The following PPP2R2B variants were observed in gnomAD, a reference collection of about 807,000 sequenced individuals.
PPP2R2B encodes the protein protein phosphatase 2 regulatory subunit Bbeta, also known as serine/threonine-protein phosphatase 2A 55 kDa regulatory subunit B beta isoform.
Under a neutral mutation model 46.0 loss-of-function variants are expected in PPP2R2B, and 5 were observed. The observed-to-expected ratio is 0.11, with a 90% CI of 0.06 to 0.23. The LOEUF is 0.23. Ranked by LOEUF, PPP2R2B falls within the 10% of genes least tolerant of loss-of-function variation. The pLI is 1.00. For missense variants in PPP2R2B, 367 were observed against 575.0 expected (o/e 0.64, Z 3.70); for synonymous variants, 215 against 206.7 (o/e 1.04, Z -0.34).
chr5:146,840,639 C>A (rs984011168), intron 2 of PPP2R2B, among the ~76,000 whole-genome samples: 6 of 152,322 alleles, frequency 3.9e-5, no homozygotes, highest in African/African-American at 1.2e-4. Context: ...AAAAATCAGA[C>A]TCAGATACTG....
rs200297388 is a variant in PPP2R2B at position 146,951,181 on chromosome 5, G to GT, written c.79+104483dup. Among the ~76,000 whole-genome samples, 416 of 150,120 alleles carry GT rather than the reference G, an allele frequency of 2.8e-3. 3 individuals are homozygous for GT. The highest frequency in any genetic ancestry group is 7.5e-3 in the African/African-American group (308 of 40,918). On this transcript the variant is annotated intron_variant, in intron 1 of 8. Coordinates refer to the PPP2R2B transcript ENST00000336640. ...GTACTCTGGAATCTCTTTTTTGTTT[G>GT]TTTTTTTTTAATATCAGCTTTATTG...
At chr5:147,014,911 A>G (rs1287556051) in intron 1 of PPP2R2B, among the ~76,000 whole-genome samples, 1 of 152,130 alleles carries the variant, frequency 6.6e-6, no homozygotes, top group Non-Finnish European at 1.5e-5. Flanking sequence ...AAAAATAAAA[A>G]AAAATGAATT....
chr5:147,070,016 C>G (rs1757539683), intron 2 of PPP2R2B, among the ~76,000 whole-genome samples: 1 of 152,004 alleles, frequency 6.6e-6, no homozygotes, highest in African/African-American at 2.4e-5. Context: ...GTCTCAAACT[C>G]CTGACCTCGT....
rs1325051888 is a variant in PPP2R2B, at chr5:147,042,905, C to A, written c.79+12760G>T. On this transcript the variant is annotated intron_variant, in intron 1 of 8. Coordinates refer to the PPP2R2B transcript ENST00000336640. ...ACGGAGGGAGCCACAAGTAGAAAGG[C>A]CCTGGAGAGGGGATGTACGTGGTCT... Among the ~76,000 whole-genome samples the A allele has an allele frequency of 2.0e-5, 3 of 151,926 alleles. No individual in the cohort carries two copies. The East Asian group carries it at 5.8e-4, about 30-fold the overall frequency.
Position 146,693,240 on chromosome 5 carries a change from A to C in PPP2R2B, c.335-2000T>G, listed in dbSNP as rs571046029. ...TTCTTCTTTTTTTAAATTGAGATAG[A>C]GTCTCACTCTGTCACCTAGGCTGGA... On this transcript the variant is annotated intron_variant, in intron 4 of 9. Transcript: ENST00000394411. Among the ~76,000 whole-genome samples the C allele has an allele frequency of 1.5e-4, 22 of 149,734 alleles. No homozygotes were observed. The South Asian group carries it at 4.6e-3, about 32-fold the overall frequency.
intron 1 of PPP2R2B, among the ~76,000 whole-genome samples, chr5:147,053,649 A>G (rs533681022): frequency 2.6e-5 from 4 of 152,222 alleles, no homozygotes; most frequent in African/African-American, 7.2e-5. Context: ...TGGCAAAGTG[A>G]TGTGTTTGAG....
At chr5:146,745,638 G>T (rs1195696123) in intron 2 of PPP2R2B, among the ~76,000 whole-genome samples, 10 of 152,184 alleles carry the variant, frequency 6.6e-5, no homozygotes, top group Admixed American at 6.6e-4. Context: ...AAGAGAAAAT[G>T]AGGTAAAGAA....
At chr5:146,843,870 T>C (rs2151374659) in intron 2 of PPP2R2B, among the ~76,000 whole-genome samples, 1 of 152,050 alleles carries the variant, frequency 6.6e-6, no homozygotes, top group East Asian at 1.9e-4. Flanking sequence ...TTTGGGTTGG[T>C]TCCAAGTCTT....
intron 1 of PPP2R2B, among the ~76,000 whole-genome samples, chr5:147,023,630 G>A (rs1755389651): frequency 6.6e-6 from 1 of 152,168 alleles, no homozygotes; most frequent in African/African-American, 2.4e-5. Flanking sequence ...GCCAAAATGG[G>A]ACAATTCATA....
intron 5 of PPP2R2B, among the ~76,000 whole-genome samples, chr5:146,675,865 G>T (rs1227818962): frequency 6.6e-6 from 1 of 151,796 alleles, no homozygotes; most frequent in Non-Finnish European, 1.5e-5. Flanking sequence ...GAAAATTGAG[G>T]TAATGATTTA....
intron 4 of PPP2R2B, among the ~76,000 whole-genome samples, chr5:146,694,600 T>C (rs571773619): frequency 3.8e-4 from 58 of 152,320 alleles, no homozygotes; most frequent in African/African-American, 1.3e-3. Context: ...TTTGCATAAA[T>C]CCTTATAGTA....
intron 2 of PPP2R2B, among the ~76,000 whole-genome samples, chr5:146,807,831 C>CTTTTTTTTTT (rs1554139359): frequency 6.8e-5 from 5 of 73,868 alleles, no homozygotes; most frequent in Admixed American, 2.2e-4. Flanking sequence ...GACAGTTTTG[C>CTTTTTTTTTT]TCTTGTTGCC....
chr5:146,745,309 A>G (rs1753123166), intron 2 of PPP2R2B, among the ~76,000 whole-genome samples: 1 of 152,168 alleles, frequency 6.6e-6, no homozygotes, highest in Non-Finnish European at 1.5e-5. Flanking sequence ...GCCCTTGAAC[A>G]AGCTCTCAAC....
intron 5 of PPP2R2B, among the ~76,000 whole-genome samples, chr5:146,655,554 A>G (rs1321570947): frequency 1.3e-5 from 2 of 152,202 alleles, no homozygotes; most frequent in East Asian, 1.9e-4. Flanking sequence ...GGTAGATGTT[A>G]CAATCCCTAT....
chr5:147,035,044 C>G, intron 1 of PPP2R2B: 1 of 451,408 alleles, frequency 2.2e-6, no homozygotes, highest in South Asian at 1.6e-5. Flanking sequence ...TGGTAGCAAT[C>G]TCTGAACTCA....
intron 2 of PPP2R2B, among the ~76,000 whole-genome samples, chr5:147,078,333 G>C (rs1260272806): frequency 6.6e-6 from 1 of 152,130 alleles, no homozygotes; most frequent in Non-Finnish European, 1.5e-5. Context: ...CCTATAGTTA[G>C]AGCAGACACT....
At chr5:146,987,312 G>A (rs546435715) in intron 1 of PPP2R2B, among the ~76,000 whole-genome samples, 1 of 152,024 alleles carries the variant, frequency 6.6e-6, no homozygotes, top group South Asian at 2.1e-4. Context: ...TGTGCAACAA[G>A]AAAACATCTG....
chr5:146,718,916 G>A (rs1215037062), intron 2 of PPP2R2B, among the ~76,000 whole-genome samples: 4 of 152,202 alleles, frequency 2.6e-5, no homozygotes, highest in Non-Finnish European at 5.9e-5. Flanking sequence ...AAGTGATGCA[G>A]TGAAGGCTGC....
intron 2 of PPP2R2B, among the ~76,000 whole-genome samples, chr5:147,070,281 A>C (rs1757548142): frequency 6.6e-6 from 1 of 152,158 alleles, no homozygotes; most frequent in African/African-American, 2.4e-5. Context: ...GGATGAATAA[A>C]ATTCAATATT....
Sources: allele counts gnomAD v4.1 joint callset (sites outside exome capture counted in the v4.1 genomes callset), GRCh38; gene constraint gnomAD v4.1.1; transcripts MANE v1.5; gene names NCBI Gene and HGNC (gene_info 2026-07-23, HGNC 2026-07-21).